The following BIRC2 variants were observed in gnomAD, a reference collection of about 807,000 sequenced individuals.
BIRC2 encodes baculoviral IAP repeat containing 2.
BIRC2 carries 18 observed loss-of-function variants against 60.9 expected under a neutral mutation model. The observed-to-expected ratio is 0.30, with a 90% CI of 0.20 to 0.44. The LOEUF (loss-of-function observed/expected upper bound fraction) is 0.44, where lower values mean the gene tolerates loss of function less well. Among genes scored for constraint, BIRC2 ranks in the 20% least tolerant of loss-of-function variants. BIRC2 has a pLI of 1.00. For synonymous variants in BIRC2, 282 were observed against 247.7 expected, an observed-to-expected ratio of 1.14 and a Z score of -1.30; for missense variants, 701 against 728.5, an observed-to-expected ratio of 0.96 and a Z score of 0.43.
In BIRC2 at chr11:102,357,464, C is replaced by T. The variant is rs1951435922; in HGVS notation, c.996-5432C>T. Reference sequence around the variant, plus strand: ...GAAGAGTTATGACTACTGATTCAATCTCCTTACTAGTTATAAGTCTTTTCA... The same window carrying T: ...GAAGAGTTATGACTACTGATTCAATTTCCTTACTAGTTATAAGTCTTTTCA... On this transcript the variant is annotated intron_variant, in intron 3 of 8. Transcript: ENST00000227758. Among the ~76,000 whole-genome samples the T allele has an allele frequency of 2.0e-5, 3 of 152,118 alleles. No homozygotes were observed. In the South Asian group the frequency reaches 6.2e-4, roughly 32 times the overall value.
Position 102,378,235 on chromosome 11 carries a change from T to G in BIRC2, c.*52T>G. 7.3e-7 allele frequency: 1 copy of G among 1,372,542 alleles called. No homozygotes were observed. Among genetic ancestry groups the G allele is most frequent in the Non-Finnish European group, 9.8e-7 (1 of 1,024,988 alleles). 85.0% of individuals were successfully genotyped at this position (1,372,542 alleles called of 1,614,324 possible). The stretch of plus-strand genomic sequence containing the variant: ...CATAAAAAGGTCTTTAAAATATTGT[T>G]GAACACTTGAAGCCATCTAAAGTAA... On this transcript the variant is annotated 3_prime_UTR_variant, in exon 9 of 9. Coordinates refer to ENST00000227758, the MANE Select transcript of BIRC2 (RefSeq NM_001166.5).
chr11:102,356,646 T>G (rs554397539), intron 3 of BIRC2, among the ~76,000 whole-genome samples: 1 of 151,648 alleles, frequency 6.6e-6, no homozygotes, highest in African/African-American at 2.4e-5. Context: ...TTTCTGTGTC[T>G]GTTGAGATGT....
chr11:102,369,164 CTATTTTTTT>C (rs1951591458), intron 6 of BIRC2, among the ~76,000 whole-genome samples: 1 of 149,156 alleles, frequency 6.7e-6, no homozygotes, highest in Non-Finnish European at 1.5e-5. Context: ...TTTCTTTTTT[CTATTTTTTT>C]TTAATTATAC....
chr11:102,375,172 C>A (rs890903222), intron 6 of BIRC2, among the ~76,000 whole-genome samples: 2 of 152,192 alleles, frequency 1.3e-5, no homozygotes, highest in Non-Finnish European at 2.9e-5. Flanking sequence ...TGTTCCTATT[C>A]GGCCATCTTG....
rs549381162 is a variant in BIRC2, at chr11:102,374,816, G to A, written c.1367-2680G>A. On this transcript the variant is annotated intron_variant, in intron 6 of 8. Coordinates refer to ENST00000227758, the MANE Select transcript of BIRC2 (RefSeq NM_001166.5). Reference sequence around the variant, plus strand: ...TCAGACTGCTGTGCTAGCAATCAGCGAGACTCCGTGGGCGTAGGACCCTCC... The same window carrying A: ...TCAGACTGCTGTGCTAGCAATCAGCAAGACTCCGTGGGCGTAGGACCCTCC... 1.1e-4 allele frequency among the ~76,000 whole-genome samples: 16 copies of A among 152,340 alleles called. No individual in the cohort carries two copies. In the South Asian group the frequency reaches 2.5e-3, roughly 24 times the overall value.
In BIRC2 at chr11:102,378,210, C is replaced by A; in HGVS notation, c.*27C>A. ...GAAAAATAGTCTATATTTTAACCTG[C>A]ATAAAAAGGTCTTTAAAATATTGTT... On this transcript the variant is annotated 3_prime_UTR_variant, in exon 9 of 9. Coordinates refer to ENST00000227758, the MANE Select transcript of BIRC2 (RefSeq NM_001166.5). The A allele has an allele frequency of 1.3e-6, 2 of 1,501,766 alleles. No individual in the cohort carries two copies. The highest frequency in any genetic ancestry group is 1.8e-6 in the Non-Finnish European group (2 of 1,121,384). The allele number at this position is 1,501,766 out of a possible 1,614,324, so 93.0% of individuals were successfully genotyped here.
chr11:102,362,476 T>C (rs1464948949), intron 3 of BIRC2, among the ~76,000 whole-genome samples: 2 of 152,192 alleles, frequency 1.3e-5, no homozygotes, highest in Non-Finnish European at 2.9e-5. Flanking sequence ...TCAAATGTAA[T>C]GGAAGAGTGA....
intron 5 of BIRC2, among the ~76,000 whole-genome samples, chr11:102,364,139 T>TTTTATATATATA (rs1243245141): frequency 3.3e-5 from 2 of 61,418 alleles, no homozygotes; most frequent in Non-Finnish European, 2.8e-5. Flanking sequence ...CTAATAAATA[T>TTTTATATATATA]TATATATATA....
intron 3 of BIRC2, among the ~76,000 whole-genome samples, chr11:102,358,621 A>T (rs1951449467): frequency 6.6e-6 from 1 of 152,140 alleles, no homozygotes; most frequent in Non-Finnish European, 1.5e-5. Context: ...AGATCTGTTA[A>T]TATTTTCTCT....
intron 6 of BIRC2, among the ~76,000 whole-genome samples, chr11:102,373,038 T>C (rs369924642): frequency 6.6e-6 from 1 of 150,954 alleles, no homozygotes; most frequent in Non-Finnish European, 1.5e-5. Context: ...TCCTCCATCC[T>C]TTTATTTTGA....
At chr11:102,359,886 A>T (rs1951466155) in intron 3 of BIRC2, among the ~76,000 whole-genome samples, 2 of 151,462 alleles carry the variant, frequency 1.3e-5, no homozygotes, top group African/African-American at 4.8e-5. Context: ...TAGATTTATG[A>T]AGTTTTCAGC....
intron 3 of BIRC2, among the ~76,000 whole-genome samples, chr11:102,356,700 A>C (rs1000515957): frequency 1.1e-4 from 15 of 135,884 alleles, no homozygotes; most frequent in African/African-American, 4.2e-4. Context: ...TTTTTTTGAG[A>C]TGGAGTGTTG....
intron 5 of BIRC2, among the ~76,000 whole-genome samples, chr11:102,367,221 T>C (rs561011792): frequency 1.3e-5 from 2 of 152,222 alleles, no homozygotes; most frequent in Non-Finnish European, 2.9e-5. Context: ...TTAGTTCGTT[T>C]GTATATTTTT....
intron 3 of BIRC2, among the ~76,000 whole-genome samples, chr11:102,356,950 G>A (rs1470894077): frequency 5.9e-5 from 9 of 152,238 alleles, no homozygotes; most frequent in East Asian, 3.9e-4. Flanking sequence ...GATTACAGGC[G>A]TGAGCCACTG....
At chr11:102,377,819 T>C in intron 7 of BIRC2, 38 bp from the exon 8 acceptor site, 1 of 1,596,336 alleles carries the variant, frequency 6.3e-7, no homozygotes, top group African/African-American at 1.4e-5. Flanking sequence ...CAGTTTTGTA[T>C]TTAGTAGAGT....
intron 3 of BIRC2, among the ~76,000 whole-genome samples, chr11:102,352,457 CTGG>C (rs1483272053): frequency 6.6e-6 from 1 of 151,958 alleles, no homozygotes; most frequent in East Asian, 1.9e-4. Context: ...GTCATCCAGG[CTGG>C]AGTGCAGTGA....
chr11:102,370,092 A>C (rs1951610694), intron 6 of BIRC2, among the ~76,000 whole-genome samples: 1 of 151,096 alleles, frequency 6.6e-6, no homozygotes, highest in Non-Finnish European at 1.5e-5. Context: ...TAGGTTGCGA[A>C]AATTTTCTCC....
chr11:102,355,208 A>G (rs1951407637), intron 3 of BIRC2, among the ~76,000 whole-genome samples: 1 of 152,012 alleles, frequency 6.6e-6, no homozygotes, highest in Non-Finnish European at 1.5e-5. Flanking sequence ...TTTTTAGCCT[A>G]CGTTTTCTTT....
intron 6 of BIRC2, among the ~76,000 whole-genome samples, chr11:102,375,811 C>G (rs1311727955): frequency 6.6e-6 from 1 of 151,518 alleles, no homozygotes; most frequent in Non-Finnish European, 1.5e-5. Flanking sequence ...CCAGTTCTAT[C>G]AGTTACTAGC....
Sources: allele counts gnomAD v4.1 joint callset (sites outside exome capture counted in the v4.1 genomes callset), GRCh38; gene constraint gnomAD v4.1.1; transcripts MANE v1.5; gene names NCBI Gene and HGNC (gene_info 2026-07-23, HGNC 2026-07-21).